ADAMTSL1: variants seen among roughly 807,000 people sequenced by gnomAD.
The protein encoded by ADAMTSL1 is ADAMTS like 1.
ADAMTSL1 carries 126 observed loss-of-function variants against 201.8 expected under a neutral mutation model. The observed-to-expected ratio is 0.62, with a 90% CI of 0.54 to 0.72. The LOEUF (loss-of-function observed/expected upper bound fraction) is 0.72, where lower values mean the gene tolerates loss of function less well. Ranked by LOEUF, ADAMTSL1 falls within the 30% of genes least tolerant of loss-of-function variation. The pLI is 0.00. For synonymous variants in ADAMTSL1, 1,121 were observed against 903.4 expected, an observed-to-expected ratio of 1.24 and a Z score of -4.32; for missense variants, 2,679 against 2,277.8, an observed-to-expected ratio of 1.18 and a Z score of -3.59.
chr9:18,838,360 TACACACACACACAC>T (rs775337751), intron 23 of ADAMTSL1, among the ~76,000 whole-genome samples: 20 of 86,762 alleles, frequency 2.3e-4, no homozygotes, highest in African/African-American at 1.1e-3. Context: ...CAAACCATAT[TACACACACACACAC>T]ACACACACAC....
chr9:18,531,434 C>T (rs1248311941), intron 2 of ADAMTSL1, among the ~76,000 whole-genome samples: 1 of 152,176 alleles, frequency 6.6e-6, no homozygotes, highest in Non-Finnish European at 1.5e-5. Context: ...TAGGACATTG[C>T]TGGACTGGAC....
intron 1 of ADAMTSL1, among the ~76,000 whole-genome samples, chr9:18,031,206 A>AGGATTTAATT (rs1334640324): frequency 7.2e-5 from 11 of 152,176 alleles, no homozygotes; most frequent in Non-Finnish European, 4.4e-5. Flanking sequence ...TTTAGAGGTG[A>AGGATTTAATT]AAAAACACTC....
At chr9:18,297,471 A>T (rs1716062311) in intron 2 of ADAMTSL1, among the ~76,000 whole-genome samples, 1 of 151,970 alleles carries the variant, frequency 6.6e-6, no homozygotes, top group African/African-American at 2.4e-5. Context: ...TCAGATGTGT[A>T]ATCTCAGACG....
At chr9:18,264,047 G>C (rs1290588033) in intron 2 of ADAMTSL1, among the ~76,000 whole-genome samples, 2 of 152,090 alleles carry the variant, frequency 1.3e-5, no homozygotes, top group African/African-American at 2.4e-5. Context: ...CTCTTTAAAA[G>C]AGAACTCATC....
intron 1 of ADAMTSL1, among the ~76,000 whole-genome samples, chr9:18,126,961 T>G (rs755301276): frequency 1.3e-5 from 2 of 152,314 alleles, no homozygotes; most frequent in Non-Finnish European, 2.9e-5. Context: ...GTATGCCTTC[T>G]GCCAGCCTGG....
At position 18,887,512 on chromosome 9, in the gene ADAMTSL1, T is replaced by C. The variant is rs535235060; in HGVS notation, c.4250-319T>C. 3.3e-5 allele frequency among the ~76,000 whole-genome samples: 5 copies of C among 152,354 alleles called. No homozygotes were observed. In the East Asian group the frequency reaches 9.6e-4, roughly 29 times the overall value. On this transcript the variant is annotated intron_variant, in intron 23 of 28. Transcript: ENST00000380548. ...GAAAAAAATCACTATAAGAACTACT[T>C]ACCTTGAAAAAACTGTTCAATGAAT...
intron 4 of ADAMTSL1, among the ~76,000 whole-genome samples, chr9:18,601,406 C>G (rs187487247): frequency 3.7e-4 from 56 of 152,282 alleles, no homozygotes; most frequent in African/African-American, 1.3e-3. Context: ...CAGGTGTGCA[C>G]AGATCTGGCA....
chr9:18,667,838 G>A (rs1044478300), intron 9 of ADAMTSL1, among the ~76,000 whole-genome samples: 1 of 152,134 alleles, frequency 6.6e-6, no homozygotes, highest in Non-Finnish European at 1.5e-5. Flanking sequence ...TTTAACAACA[G>A]GAACTGTAAG....
chr9:18,162,477 C>T (rs1302701212), intron 1 of ADAMTSL1, among the ~76,000 whole-genome samples: 2 of 151,902 alleles, frequency 1.3e-5, no homozygotes, highest in African/African-American at 4.8e-5. Context: ...GGCCAAGATT[C>T]TTTTTACTAC....
chr9:18,250,980 G>A (rs952398316), intron 2 of ADAMTSL1, among the ~76,000 whole-genome samples: 2 of 152,126 alleles, frequency 1.3e-5, no homozygotes, highest in Non-Finnish European at 2.9e-5. Context: ...GAGCCCATGT[G>A]ACTGTCTTAG....
intron 1 of ADAMTSL1, among the ~76,000 whole-genome samples, chr9:18,154,462 G>A (rs551930526): frequency 6.6e-6 from 1 of 152,006 alleles, no homozygotes; most frequent in Non-Finnish European, 1.5e-5. Context: ...TGGAACATCT[G>A]AGTCTGTGTG....
intron 2 of ADAMTSL1, among the ~76,000 whole-genome samples, chr9:18,166,814 T>C (rs1485132461): frequency 6.6e-6 from 1 of 152,018 alleles, no homozygotes; most frequent in African/African-American, 2.4e-5. Context: ...GCCTGCCTTA[T>C]TTGTGGCACG....
At chr9:18,120,403 C>G (rs566019445) in intron 1 of ADAMTSL1, among the ~76,000 whole-genome samples, 3 of 152,068 alleles carry the variant, frequency 2.0e-5, no homozygotes, top group African/African-American at 7.2e-5. Flanking sequence ...ATTCCTGGTA[C>G]AATACAAGAG....
At chr9:18,619,188 T>C (rs1825874901) in intron 4 of ADAMTSL1, among the ~76,000 whole-genome samples, 1 of 152,206 alleles carries the variant, frequency 6.6e-6, no homozygotes, top group African/African-American at 2.4e-5. Context: ...CTGTTATTAA[T>C]AGTAGGTCTT....
intron 7 of ADAMTSL1, among the ~76,000 whole-genome samples, chr9:18,645,568 A>C (rs1213402208): frequency 1.3e-5 from 2 of 151,788 alleles, no homozygotes; most frequent in East Asian, 3.9e-4. Flanking sequence ...TTTTTGTATA[A>C]GGTGTGAGGA....
intron 1 of ADAMTSL1, among the ~76,000 whole-genome samples, chr9:17,969,647 A>G (rs911801621): frequency 2.6e-5 from 4 of 152,128 alleles, no homozygotes; most frequent in African/African-American, 9.6e-5. Context: ...TGAGCAGTAT[A>G]CTAAATGAGC....
At position 18,138,429 on chromosome 9, in the gene ADAMTSL1, C is replaced by T. The variant is rs148727702; in HGVS notation, c.88-25433C>T. 1.8e-4 allele frequency among the ~76,000 whole-genome samples: 27 copies of T among 152,118 alleles called. No homozygotes were observed. The East Asian group carries it at 5.0e-3, about 28-fold the overall frequency. On this transcript the variant is annotated intron_variant, in intron 1 of 29. Transcript: ENST00000680146. ...TATGCTACTTTTAGGGAGTAACGAA[C>T]TTGAGGAGGCTGTAGGTTTGCAAAC... is the stretch of plus-strand genomic sequence containing the variant.
rs762473354 is a variant in ADAMTSL1, at chr9:18,770,624, G to A, written c.2240G>A (p.Gly747Asp). The change falls in exon 17 of 29, where the codon GGT becomes GAT. Residue 747 changes from glycine (G) to aspartate (D), a missense_variant. Coordinates refer to ENST00000380548, the MANE Select transcript of ADAMTSL1 (RefSeq NM_001040272.6). ...CAGTGTTCCAGAACGTGTGGCGGGG[G>A]TGTTCAGAAACGTGAGGTTCTTTGC... ...WQPCSRTCGG[G>D]VQKREVLCKQ... The A allele has an allele frequency of 6.2e-7, 1 of 1,612,984 alleles. No individual in the cohort carries two copies. The highest frequency in any genetic ancestry group is 1.1e-5 in the South Asian group (1 of 90,824).
chr9:18,204,576 A>G (rs572040808), intron 2 of ADAMTSL1, among the ~76,000 whole-genome samples: 2 of 152,294 alleles, frequency 1.3e-5, no homozygotes, highest in Admixed American at 1.3e-4. Flanking sequence ...AGTGACTTTC[A>G]TGCCCAGCAT....
Sources: allele counts gnomAD v4.1 joint callset (sites outside exome capture counted in the v4.1 genomes callset), GRCh38; gene constraint gnomAD v4.1.1; transcripts MANE v1.5; gene names NCBI Gene and HGNC (gene_info 2026-07-23, HGNC 2026-07-21).